NPR3: variants seen among roughly 807,000 people sequenced by gnomAD.
NPR3 encodes the protein natriuretic peptide receptor 3.
In NPR3, 34 loss-of-function variants were observed where a neutral mutation model predicts 54.5. That is an observed-to-expected ratio of 0.62 (90% confidence interval 0.47 to 0.83). NPR3 has a LOEUF of 0.83. Ranked by LOEUF, NPR3 falls within the 40% of genes least tolerant of loss-of-function variation. NPR3 has a pLI of 0.00. For missense variants in NPR3, 674 were observed against 720.8 expected (o/e 0.94, Z 0.74); for synonymous variants, 289 against 297.1 (o/e 0.97, Z 0.28).
intron 3 of NPR3, among the ~76,000 whole-genome samples, chr5:32,769,527 G>A (rs1232663103): frequency 6.6e-6 from 1 of 152,132 alleles, no homozygotes; most frequent in African/African-American, 2.4e-5. Flanking sequence ...AACCAAAATG[G>A]GTGGTTAGAA....
At chr5:32,739,865 A>AAAG (rs1739949989) in intron 3 of NPR3, among the ~76,000 whole-genome samples, 1 of 152,134 alleles carries the variant, frequency 6.6e-6, no homozygotes, top group African/African-American at 2.4e-5. Flanking sequence ...CCCAAATTGA[A>AAAG]AAGGAGCACC....
chr5:32,730,595 C>T (rs1199970271), intron 2 of NPR3, among the ~76,000 whole-genome samples: 1 of 152,102 alleles, frequency 6.6e-6, no homozygotes, highest in Non-Finnish European at 1.5e-5. Context: ...TAGAAAAATT[C>T]CTTAAAGCTA....
chr5:32,779,561 C>A (rs1367711570), intron 4 of NPR3, among the ~76,000 whole-genome samples: 3 of 152,188 alleles, frequency 2.0e-5, no homozygotes, highest in Non-Finnish European at 4.4e-5. Context: ...CACAATTCTT[C>A]TGGTCTCTTT....
At chr5:32,764,788 C>CAAAAAAAAAAAAAAAAAAAA (rs568944478) in intron 3 of NPR3, among the ~76,000 whole-genome samples, 3 of 36,498 alleles carry the variant, frequency 8.2e-5, no homozygotes, top group African/African-American at 2.9e-4. Flanking sequence ...GGGTCCATCT[C>CAAAAAAAAAAAAAAAAAAAA]AAAAAAAAAA....
In NPR3 at chr5:32,789,446, A is replaced by C. The variant is rs747675015; in HGVS notation, c.*3101A>C. ...CATCACATTTCTCTGAAGAACCATC[A>C]ACTTGTCTTTTCTTGAACCACAGGA... On this transcript the variant is annotated 3_prime_UTR_variant, in exon 8 of 8. Transcript: ENST00000265074. 7 of 532,316 alleles carry C rather than the reference A, an allele frequency of 1.3e-5. No individual in the cohort carries two copies. The highest frequency in any genetic ancestry group is 2.3e-5 in the Non-Finnish European group (6 of 259,402). The allele number at this position is 532,316 out of a possible 1,614,324, so 33.0% of individuals were successfully genotyped here. A position where few individuals can be genotyped will look rare whatever the true frequency, so the allele number is the denominator to read the frequency against.
chr5:32,734,757 A>G (rs1444500167), intron 2 of NPR3, among the ~76,000 whole-genome samples: 1 of 152,230 alleles, frequency 6.6e-6, no homozygotes, highest in Non-Finnish European at 1.5e-5. Flanking sequence ...AGCACTTTAA[A>G]TATGACAAGT....
chr5:32,780,549 A>T (rs534249778), intron 4 of NPR3, among the ~76,000 whole-genome samples, 173 bp from the exon 5 acceptor site: 3 of 152,362 alleles, frequency 2.0e-5, no homozygotes, highest in African/African-American at 7.2e-5. Context: ...ATGCAGACGC[A>T]GATGAAATTA....
chr5:32,778,322 C>T (rs1742172770), intron 4 of NPR3, among the ~76,000 whole-genome samples: 1 of 152,154 alleles, frequency 6.6e-6, no homozygotes, highest in South Asian at 2.1e-4. Flanking sequence ...ATTTGCTAAA[C>T]AATGGTCCAT....
intron 1 of NPR3, chr5:32,713,062 C>T (rs1316697362): frequency 6.8e-6 from 4 of 584,286 alleles, no homozygotes; most frequent in South Asian, 7.5e-5. Flanking sequence ...TTCCACAGAC[C>T]CCAGGTTTCT....
chr5:32,720,700 T>A (rs536597121), intron 1 of NPR3, among the ~76,000 whole-genome samples: 3 of 152,338 alleles, frequency 2.0e-5, no homozygotes, highest in Admixed American at 6.5e-5. Flanking sequence ...ATATTAACTA[T>A]ACTGAGATAC....
intron 1 of NPR3, among the ~76,000 whole-genome samples, chr5:32,714,602 T>A (rs1237361256): frequency 6.6e-6 from 1 of 152,138 alleles, no homozygotes; most frequent in Non-Finnish European, 1.5e-5. Flanking sequence ...TTACAATTCT[T>A]ACTCTAAAAA....
At position 32,787,442 on chromosome 5, in the gene NPR3, T is replaced by C. The variant is rs1314984639; in HGVS notation, c.*1097T>C. 6.6e-6 allele frequency: 1 copy of C among 152,164 alleles called. No individual in the cohort carries two copies. Among genetic ancestry groups the C allele is most frequent in the Non-Finnish European group, 1.5e-5 (1 of 68,028 alleles). The allele number at this position is 152,164 out of a possible 1,614,324, so 9.4% of individuals were successfully genotyped here. ...GTAAAAAGTTATTAGAATTAAACAGTTTTATAAAGGGAGGCAGCCCTTTTC... is the reference window on the plus strand; with the variant it reads ...GTAAAAAGTTATTAGAATTAAACAGCTTTATAAAGGGAGGCAGCCCTTTTC... On this transcript the variant is annotated 3_prime_UTR_variant, in exon 8 of 8. Coordinates refer to ENST00000265074, the MANE Select transcript of NPR3 (RefSeq NM_001204375.2).
At chr5:32,699,279 AT>A (rs1740608326) in intron 1 of NPR3, among the ~76,000 whole-genome samples, 1 of 152,160 alleles carries the variant, frequency 6.6e-6, no homozygotes, top group Admixed American at 6.5e-5. Context: ...TCTGCGCTTC[AT>A]TTTTGTGTTT....
At chr5:32,706,868 G>T (rs1426055068), upstream of NPR3, among the ~76,000 whole-genome samples, 2 of 152,086 alleles carry the variant, frequency 1.3e-5, no homozygotes. Context: ...CTACATGGTT[G>T]GGATCACCAC....
chr5:32,730,198 T>TA (rs139957957), intron 2 of NPR3, among the ~76,000 whole-genome samples: 53 of 147,852 alleles, frequency 3.6e-4, no homozygotes, highest in African/African-American at 1.2e-3. Context: ...TTAAGGAAGT[T>TA]AAAAAAAAAA....
At position 32,789,373 on chromosome 5, in the gene NPR3, T is replaced by C. The variant is rs1422599840; in HGVS notation, c.*3028T>C. On this transcript the variant is annotated 3_prime_UTR_variant, in exon 8 of 8. Coordinates refer to ENST00000265074, the MANE Select transcript of NPR3 (RefSeq NM_001204375.2). Reference sequence around the variant, plus strand: ...GAAAGAATTTTTTGTATAGAGTCCATCTCTCCCTCAAGACTGACCACAGGT... The same window carrying C: ...GAAAGAATTTTTTGTATAGAGTCCACCTCTCCCTCAAGACTGACCACAGGT... 1 of 468,702 alleles carries C rather than the reference T, an allele frequency of 2.1e-6. No homozygotes were observed. The highest frequency in any genetic ancestry group is 4.3e-6 in the Non-Finnish European group (1 of 233,788). The allele number at this position is 468,702 out of a possible 1,614,324, so 29.0% of individuals were successfully genotyped here.
At chr5:32,772,407 A>G (rs979265398) in intron 3 of NPR3, among the ~76,000 whole-genome samples, 1 of 151,866 alleles carries the variant, frequency 6.6e-6, no homozygotes, top group Non-Finnish European at 1.5e-5. Flanking sequence ...CCAGCCAGCT[A>G]ACTCCAAACT....
At chr5:32,771,527 T>C (rs930559192) in intron 3 of NPR3, among the ~76,000 whole-genome samples, 4 of 152,110 alleles carry the variant, frequency 2.6e-5, no homozygotes, top group Non-Finnish European at 4.4e-5. Flanking sequence ...TCAGAGGGCA[T>C]GTCAAGAAGG....
rs1742840778 is a variant in NPR3 at position 32,790,259 on chromosome 5, A to G, written c.*3914A>G. ...AATTTAGTGCCCCTTCAACAGCCATACTCAGCAAGAAGAATCAGAAGCTTG... is the reference window on the plus strand; with the variant it reads ...AATTTAGTGCCCCTTCAACAGCCATGCTCAGCAAGAAGAATCAGAAGCTTG... On this transcript the variant is annotated 3_prime_UTR_variant, in exon 8 of 8. Transcript: ENST00000265074. The G allele has an allele frequency of 6.4e-6, 1 of 155,142 alleles. No individual in the cohort carries two copies. The highest frequency in any genetic ancestry group is 2.0e-4 in the South Asian group (1 of 5,124). 9.6% of individuals were successfully genotyped at this position (155,142 alleles called of 1,614,324 possible). A position where few individuals can be genotyped will look rare whatever the true frequency, so the allele number is the denominator to read the frequency against.
Sources: allele counts gnomAD v4.1 joint callset (sites outside exome capture counted in the v4.1 genomes callset), GRCh38; gene constraint gnomAD v4.1.1; transcripts MANE v1.5; gene names NCBI Gene and HGNC (gene_info 2026-07-23, HGNC 2026-07-21).